NRXN3: variants seen among roughly 807,000 people sequenced by gnomAD.
NRXN3 encodes the protein neurexin 3.
NRXN3 carries 32 observed loss-of-function variants against 137.6 expected under a neutral mutation model. The ratio of observed to expected loss-of-function variants is 0.23; its 90% confidence interval spans 0.18 to 0.31. The LOEUF (loss-of-function observed/expected upper bound fraction) is 0.31. Among genes scored for constraint, NRXN3 ranks in the 10% least tolerant of loss-of-function variants. NRXN3 has a pLI of 1.00. For synonymous variants in NRXN3, 798 were observed against 784.5 expected, an observed-to-expected ratio of 1.02 and a Z score of -0.29; for missense variants, 1,574 against 2,062.5, an observed-to-expected ratio of 0.76 and a Z score of 4.59.
chr14:79,229,858 C>T (rs1304423510), intron 15 of NRXN3, among the ~76,000 whole-genome samples: 1 of 152,058 alleles, frequency 6.6e-6, no homozygotes, highest in Non-Finnish European at 1.5e-5. Flanking sequence ...GGCCGCTAGA[C>T]CTAATGGCAG....
chr14:78,207,806 CA>C (rs2062356610), intron 1 of NRXN3, among the ~76,000 whole-genome samples: 1 of 152,230 alleles, frequency 6.6e-6, no homozygotes, highest in Admixed American at 6.5e-5. Flanking sequence ...CAGCTTTCAA[CA>C]GAACACTTTG....
rs74065963 is a variant in NRXN3, at chr14:78,264,690, C to T, written c.710-13955C>T. Reference sequence around the variant, plus strand: ...TTTTGCAGCCACTTGGGACTCCCCTCTCTCTGAATGTATTTGTCTGGATTA... The same window carrying T: ...TTTTGCAGCCACTTGGGACTCCCCTTTCTCTGAATGTATTTGTCTGGATTA... On this transcript the variant is annotated intron_variant, in intron 2 of 20. Transcript: ENST00000335750. 2.4e-3 allele frequency among the ~76,000 whole-genome samples: 367 copies of T among 152,264 alleles called. 2 individuals carry two copies. The highest frequency in any genetic ancestry group is 8.5e-3 in the African/African-American group (352 of 41,544).
At chr14:78,579,162 A>G (rs1187211440) in intron 4 of NRXN3, among the ~76,000 whole-genome samples, 1 of 152,176 alleles carries the variant, frequency 6.6e-6, no homozygotes, top group Non-Finnish European at 1.5e-5. Flanking sequence ...ACACGTACCC[A>G]GACACATTCT....
intron 15 of NRXN3, among the ~76,000 whole-genome samples, chr14:79,257,403 G>GTGA (rs2076774006): frequency 1.1e-5 from 1 of 87,454 alleles, no homozygotes; most frequent in Non-Finnish European, 2.4e-5. Flanking sequence ...GGTGGTGGTG[G>GTGA]TGGTGGTGGT....
chr14:79,304,384 T>A (rs1208804893), intron 15 of NRXN3, among the ~76,000 whole-genome samples: 1 of 152,062 alleles, frequency 6.6e-6, no homozygotes, highest in Non-Finnish European at 1.5e-5. Flanking sequence ...GGGATCCCTG[T>A]ATGTTAGTGA....
chr14:78,408,142 A>G (rs912450572), intron 4 of NRXN3, among the ~76,000 whole-genome samples: 1 of 152,072 alleles, frequency 6.6e-6, no homozygotes, highest in Admixed American at 6.6e-5. Flanking sequence ...TGTGAAACAA[A>G]CTGTTTCTAC....
chr14:78,390,244 G>A (rs566966228), intron 4 of NRXN3, among the ~76,000 whole-genome samples: 11 of 152,162 alleles, frequency 7.2e-5, no homozygotes, highest in South Asian at 2.1e-4. Context: ...TCCTAATTTG[G>A]CCCACTACCT....
chr14:79,276,755 G>T (rs1368160291), intron 15 of NRXN3, among the ~76,000 whole-genome samples: 1 of 151,156 alleles, frequency 6.6e-6, no homozygotes, highest in Non-Finnish European at 1.5e-5. Flanking sequence ...TAGGTGGTCA[G>T]TTTATCAACT....
At position 78,845,285 on chromosome 14, in the gene NRXN3, T is replaced by C. The variant is rs373012621; in HGVS notation, c.2275+34941T>C. ...CTTTTGTGTTACTACATAGTGTTAA[T>C]TTTACAGTTTTTTATATGAAATAAC... On this transcript the variant is annotated intron_variant, in intron 10 of 20. Transcript: ENST00000335750. 4.6e-5 allele frequency among the ~76,000 whole-genome samples: 7 copies of C among 152,198 alleles called. No individual in the cohort carries two copies. The East Asian group carries it at 5.8e-4, about 13-fold the overall frequency.
intron 2 of NRXN3, among the ~76,000 whole-genome samples, chr14:78,247,453 T>C (rs1361817228): frequency 2.0e-5 from 3 of 152,184 alleles, no homozygotes; most frequent in Admixed American, 2.0e-4. Context: ...CAAAACATAG[T>C]CACATTGAAC....
chr14:78,998,655 G>A (rs1598379040), intron 15 of NRXN3, among the ~76,000 whole-genome samples: 1 of 149,702 alleles, frequency 6.7e-6, no homozygotes, highest in Admixed American at 6.7e-5. Flanking sequence ...CTGGAGTACA[G>A]TGGTGCCATC....
chr14:79,679,656 A>G (rs2098659517), intron 17 of NRXN3, among the ~76,000 whole-genome samples: 1 of 152,126 alleles, frequency 6.6e-6, no homozygotes, highest in Non-Finnish European at 1.5e-5. Context: ...AAGCTTAAAA[A>G]AGAAAAAGCA....
intron 9 of NRXN3, among the ~76,000 whole-genome samples, chr14:78,807,014 C>A (rs2098875666): frequency 6.6e-6 from 1 of 152,142 alleles, no homozygotes; most frequent in South Asian, 2.1e-4. Flanking sequence ...GAACTAGAAC[C>A]CATGTCTCTA....
chr14:78,326,727 C>T (rs760137762), intron 4 of NRXN3, among the ~76,000 whole-genome samples: 8 of 152,104 alleles, frequency 5.3e-5, no homozygotes, highest in Non-Finnish European at 1.0e-4. Flanking sequence ...TTTAATTCTG[C>T]AAATATTTAT....
intron 4 of NRXN3, among the ~76,000 whole-genome samples, chr14:78,585,961 C>T (rs934596019): frequency 2.4e-4 from 36 of 152,132 alleles, no homozygotes; most frequent in African/African-American, 8.7e-4. Flanking sequence ...TGGATGGAAG[C>T]GTAGATAAAT....
chr14:79,008,690 G>A (rs569286144), intron 15 of NRXN3, among the ~76,000 whole-genome samples: 3 of 127,638 alleles, frequency 2.4e-5, no homozygotes, highest in East Asian at 4.4e-4. Context: ...ACAGAGTTTC[G>A]CTCTTTTGCC....
intron 16 of NRXN3, among the ~76,000 whole-genome samples, chr14:79,525,718 C>G (rs757798344): frequency 6.6e-6 from 1 of 152,178 alleles, no homozygotes; most frequent in African/African-American, 2.4e-5. Context: ...AGATTCCCAT[C>G]ATTAACATTA....
intron 1 of NRXN3, among the ~76,000 whole-genome samples, chr14:78,216,299 C>T (rs2063276037): frequency 1.3e-5 from 2 of 152,060 alleles, no homozygotes; most frequent in Admixed American, 6.6e-5. Context: ...TGACAGTTTG[C>T]ATTTGTAAGT....
intron 2 of NRXN3, among the ~76,000 whole-genome samples, chr14:78,255,395 G>T (rs887537535): frequency 1.3e-5 from 2 of 152,204 alleles, no homozygotes; most frequent in East Asian, 3.8e-4. Context: ...TGCCACGTGG[G>T]CAGAGGATGG....
Sources: allele counts gnomAD v4.1 joint callset (sites outside exome capture counted in the v4.1 genomes callset), GRCh38; gene constraint gnomAD v4.1.1; transcripts MANE v1.5; gene names NCBI Gene and HGNC (gene_info 2026-07-23, HGNC 2026-07-21).